Variants in VAV2 observed in about 807,000 individuals in gnomAD.
The protein encoded by VAV2 is vav guanine nucleotide exchange factor 2.
VAV2 carries 67 observed loss-of-function variants against 132.5 expected under a neutral mutation model. The observed-to-expected ratio is 0.51, with a 90% CI of 0.42 to 0.62. The LOEUF (loss-of-function observed/expected upper bound fraction) is 0.62, where lower values mean the gene tolerates loss of function less well. Among genes scored for constraint, VAV2 ranks in the 20% least tolerant of loss-of-function variants. VAV2 has a pLI of 0.00. For missense variants in VAV2, 938 were observed against 1,153.6 expected (o/e 0.81, Z 2.71); for synonymous variants, 492 against 443.5 (o/e 1.11, Z -1.37).
chr9:133,764,045 T>C lies in VAV2; in HGVS notation c.*17A>G, dbSNP rs1454089363. ...CTCTCCCAAGAAAATCTGCGAGTCT[T>C]GTCCACGTTCCTGCCGTCACTGGAT... On this transcript the variant is annotated 3_prime_UTR_variant, in exon 30 of 30. Transcript: ENST00000371850. The C allele has an allele frequency of 6.2e-7, 1 of 1,614,040 alleles. No homozygotes were observed. The highest frequency in any genetic ancestry group is 8.5e-7 in the Non-Finnish European group (1 of 1,179,976).
intron 3 of VAV2, among the ~76,000 whole-genome samples, chr9:133,854,809 A>C (rs1337873872): frequency 2.0e-5 from 3 of 152,232 alleles, no homozygotes; most frequent in Admixed American, 6.5e-5. Flanking sequence ...AGGAAAAAAA[A>C]GACTCTCCAA....
intron 2 of VAV2, among the ~76,000 whole-genome samples, chr9:133,892,086 G>A: frequency 8.2e-6 from 1 of 122,062 alleles, no homozygotes; most frequent in Non-Finnish European, 1.7e-5. Flanking sequence ...GGGGAGGAGG[G>A]GGAAGGAGAG....
At chr9:133,775,946 G>T (rs1833793790) in intron 24 of VAV2, 82 bp downstream of exon 24, 1 of 1,498,296 alleles carries the variant, frequency 6.7e-7, no homozygotes. Context: ...GCCGCTCACA[G>T]GCACCACCCA....
At chr9:133,862,241 CAA>C (rs1837624906) in intron 2 of VAV2, among the ~76,000 whole-genome samples, 1 of 152,242 alleles carries the variant, frequency 6.6e-6, no homozygotes, top group African/African-American at 2.4e-5. Flanking sequence ...CACAGATCTC[CAA>C]AGGGACAGGT....
At position 133,778,423 on chromosome 9, in the gene VAV2, T is replaced by C. The variant is rs182190609; in HGVS notation, c.1890+339A>G. ...GCCAGGGCAGAAGCCTGAGGGCCTA[T>C]GAGACACAACAGAGGCAGGAAGGAC... On this transcript the variant is annotated intron_variant, in intron 22 of 29. Coordinates refer to ENST00000371850, the MANE Select transcript of VAV2 (RefSeq NM_001134398.2). Among the ~76,000 whole-genome samples the C allele has an allele frequency of 6.1e-3, 925 of 152,200 alleles. 19 individuals are homozygous for C. The highest frequency in any genetic ancestry group is 0.039 in the Admixed American group (596 of 15,292).
At position 133,823,882 on chromosome 9, in the gene VAV2, C is replaced by G. The variant is rs182777834; in HGVS notation, c.449+10390G>C. On this transcript the variant is annotated intron_variant, in intron 4 of 29. Coordinates refer to ENST00000371850, the MANE Select transcript of VAV2 (RefSeq NM_001134398.2). The surrounding 1 kb of genome is among the most constrained non-coding windows in gnomAD (Gnocchi z 5.5). ...ACCTGCTCACACACACACGGGAATG[C>G]GGAGCGGGCAGGGTGGTCACGCGCA... 6.6e-6 allele frequency among the ~76,000 whole-genome samples: 1 copy of G among 152,188 alleles called. No homozygotes were observed. The highest frequency in any genetic ancestry group is 2.4e-5 in the African/African-American group (1 of 41,448).
intron 4 of VAV2, among the ~76,000 whole-genome samples, chr9:133,830,487 G>C (rs1836221502): frequency 1.3e-5 from 2 of 152,082 alleles, no homozygotes; most frequent in South Asian, 4.1e-4. Flanking sequence ...TTTTATAAGG[G>C]GCTTTCCTCC....
At chr9:133,916,558 G>A (rs577106098) in intron 2 of VAV2, among the ~76,000 whole-genome samples, 3 of 152,196 alleles carry the variant, frequency 2.0e-5, no homozygotes, top group African/African-American at 4.8e-5. Flanking sequence ...GTGAGTGGGG[G>A]TCTCACTGGT....
chr9:133,980,060 G>A (rs999773892), intron 1 of VAV2, among the ~76,000 whole-genome samples: 3 of 152,236 alleles, frequency 2.0e-5, no homozygotes, highest in African/African-American at 2.4e-5. Flanking sequence ...AGAACAGGCT[G>A]GGCCACCAGC....
chr9:133,834,498 C>G lies in VAV2; in HGVS notation c.381-158G>C, dbSNP rs145590457. 1.3e-5 allele frequency among the ~76,000 whole-genome samples: 2 copies of G among 152,260 alleles called. No homozygotes were observed. Among genetic ancestry groups the G allele is most frequent in the East Asian group, 3.9e-4 (2 of 5,188 alleles). On this transcript the variant is annotated intron_variant, in intron 3 of 29. Coordinates refer to ENST00000371850, the MANE Select transcript of VAV2 (RefSeq NM_001134398.2). This position sits in a 1 kb window ranked among gnomAD's most constrained non-coding sequence, Gnocchi z 5.9. ...GGACACAGGGTGCGCGGACACTGAT[C>G]GGAGTCACAGGACGAGCCAACTGGG...
chr9:133,905,226 C>T (rs748042542), intron 2 of VAV2, among the ~76,000 whole-genome samples: 64 of 151,326 alleles, frequency 4.2e-4, no homozygotes, highest in Non-Finnish European at 4.3e-4. Flanking sequence ...GTCAGGAGTT[C>T]GAGACCAGCC....
chr9:133,960,539 T>C (rs979096045), intron 1 of VAV2, among the ~76,000 whole-genome samples: 2 of 152,190 alleles, frequency 1.3e-5, no homozygotes, highest in African/African-American at 4.8e-5. Flanking sequence ...TGTCTCCGCT[T>C]AATAGCGGCC....
Position 133,887,423 on chromosome 9 carries a change from G to C in VAV2, c.322-25991C>G, listed in dbSNP as rs1453874210. Among the ~76,000 whole-genome samples, 3 of 152,094 alleles carry C rather than the reference G, an allele frequency of 2.0e-5. No homozygotes were observed. The East Asian group carries it at 5.8e-4, about 29-fold the overall frequency. On this transcript the variant is annotated intron_variant, in intron 2 of 29. Transcript: ENST00000371850. ...CATCTGGCCCCAGGGAATTCACAGG[G>C]CCTAAGATCCTGCCCTAACTCTAAA...
rs1471533924 is a variant in VAV2 at position 133,768,494 on chromosome 9, T to C, written c.2537A>G (p.Tyr846Cys). 1 of 1,613,920 alleles carries C rather than the reference T, an allele frequency of 6.2e-7. No homozygotes were observed. The highest frequency in any genetic ancestry group is 8.5e-7 in the Non-Finnish European group (1 of 1,179,982). The part of the protein sequence containing the change: ...SLREGDVVRI[Y>C]SRIGGDQGWW... ...GCCCTGGTCTCCGCCGATGCGGCTG[T>C]AGATCCTCACCACGTCACCCTCCCG... Residue 846 changes from tyrosine (Y) to cysteine (C), a missense_variant, in exon 29 of 30, where the codon TAC (tyrosine) becomes TGC (cysteine). By Grantham distance (194) the Tyr-to-Cys change is radical. Transcript: ENST00000371850. This position sits in a 1 kb window ranked among gnomAD's most constrained non-coding sequence, Gnocchi z 5.3.
chr9:133,983,531 A>T lies in VAV2; in HGVS notation c.204+8544T>A, dbSNP rs540408620. 5.6e-4 allele frequency among the ~76,000 whole-genome samples: 85 copies of T among 152,258 alleles called. No homozygotes were observed. The South Asian group carries it at 0.01, about 19-fold the overall frequency. On this transcript the variant is annotated intron_variant, in intron 1 of 29. Transcript: ENST00000371850. ...TCTCCAAGTCCCAAACCGCAGGCAG[A>T]CACGGGTCACTCTCACGGCGGCCCC...
At chr9:133,848,066 A>T (rs968006632) in intron 3 of VAV2, among the ~76,000 whole-genome samples, 53 of 152,166 alleles carry the variant, frequency 3.5e-4, no homozygotes, top group African/African-American at 1.2e-3. Context: ...TCACGAGGTC[A>T]GGAGATCGAG....
intron 2 of VAV2, among the ~76,000 whole-genome samples, chr9:133,902,142 A>T (rs1486219879): frequency 6.6e-6 from 1 of 151,400 alleles, no homozygotes; most frequent in Non-Finnish European, 1.5e-5. Flanking sequence ...ATTTAAGGCC[A>T]GGCCCATCAG....
At chr9:133,786,942 G>A (rs1183356563) in intron 16 of VAV2, among the ~76,000 whole-genome samples, 3 of 152,098 alleles carry the variant, frequency 2.0e-5, no homozygotes, top group African/African-American at 7.2e-5. Context: ...GGAGGAGGGA[G>A]AGAACACAGA....
At chr9:133,984,987 A>C (rs1241462923) in intron 1 of VAV2, among the ~76,000 whole-genome samples, 1 of 152,044 alleles carries the variant, frequency 6.6e-6, no homozygotes, top group Non-Finnish European at 1.5e-5. Context: ...TTTTTATTGC[A>C]GCCACCAAAA....
Sources: gnomAD v4.1 joint callset for allele counts (sites outside exome capture counted in the v4.1 genomes callset) on GRCh38, gnomAD v4.1.1 for gene constraint, Gnocchi (gnomAD v3.1) non-coding constraint, MANE v1.5 for transcripts, NCBI Gene and HGNC (gene_info 2026-07-23, HGNC 2026-07-21) for gene names.